Variants in TPTE2 observed in about 807,000 individuals in gnomAD.
The protein encoded by TPTE2 is transmembrane phosphoinositide 3-phosphatase and tensin homolog 2, also known as phosphatidylinositol 3,4,5-trisphosphate 3-phosphatase TPTE2.
A neutral mutation model predicts 78.6 loss-of-function variants in TPTE2; 53 were observed. The ratio of observed to expected loss-of-function variants is 0.67; its 90% confidence interval spans 0.54 to 0.85. TPTE2 has a LOEUF of 0.85. TPTE2 is among the 40% of genes least tolerant of loss of function. TPTE2 has a pLI of 0.00. For missense variants in TPTE2, 461 were observed against 623.0 expected (o/e 0.74, Z 2.77); for synonymous variants, 175 against 206.2 (o/e 0.85, Z 1.30).
At position 19,513,381 on chromosome 13, in the gene TPTE2, G is replaced by T. The variant is rs1869584537; in HGVS notation, c.-43-10104C>A. 7.2e-5 allele frequency among the ~76,000 whole-genome samples: 11 copies of T among 152,290 alleles called. No individual in the cohort carries two copies. The South Asian group carries it at 2.3e-3, about 32-fold the overall frequency. On this transcript the variant is annotated intron_variant, in intron 1 of 17. Coordinates refer to the TPTE2 transcript ENST00000390680. The stretch of plus-strand genomic sequence containing the variant: ...GAAAGAATTTTAGAATCAGTGTCCA[G>T]AAAACTATTTTCCCATGAATAATTC...
chr13:19,507,304 T>TAAAAAA (rs370011146), upstream of TPTE2, among the ~76,000 whole-genome samples: 21 of 112,164 alleles, frequency 1.9e-4, no homozygotes, highest in South Asian at 3.2e-3. Flanking sequence ...CTAGCTGTTC[T>TAAAAAA]AAAAAAAAAA....
intron 1 of TPTE2, among the ~76,000 whole-genome samples, chr13:19,497,128 G>C (rs910191305): frequency 1.1e-4 from 17 of 151,664 alleles, no homozygotes; most frequent in African/African-American, 4.1e-4. Context: ...ATTATATCCC[G>C]CACCTGTCTT....
intron 1 of TPTE2, among the ~76,000 whole-genome samples, chr13:19,497,217 T>G (rs905968496): frequency 6.7e-6 from 1 of 148,188 alleles, no homozygotes; most frequent in Non-Finnish European, 1.5e-5. Context: ...GCAGCGAGGC[T>G]GGGGGAGGGG....
At chr13:19,481,281 C>T (rs1194715912) in intron 4 of TPTE2, among the ~76,000 whole-genome samples, 1 of 152,150 alleles carries the variant, frequency 6.6e-6, no homozygotes, top group African/African-American at 2.4e-5. Context: ...ACAGAGTTTT[C>T]AAAGTATTTT....
chr13:19,491,785 A>T (rs1018490319), intron 3 of TPTE2, among the ~76,000 whole-genome samples: 1 of 152,204 alleles, frequency 6.6e-6, no homozygotes, highest in Non-Finnish European at 1.5e-5. Flanking sequence ...AGATCGCGCC[A>T]CTGCACTCCA....
At chr13:19,478,667 C>T (rs968117181) in intron 4 of TPTE2, among the ~76,000 whole-genome samples, 3 of 152,102 alleles carry the variant, frequency 2.0e-5, no homozygotes, top group South Asian at 4.1e-4. Flanking sequence ...TGGGTATATA[C>T]CCAAAGGATT....
At chr13:19,482,465 T>C (rs765860597) in intron 4 of TPTE2, 23 bp downstream of exon 7, 2 of 1,610,646 alleles carry the variant, frequency 1.2e-6, no homozygotes, top group Non-Finnish European at 1.7e-6. Context: ...GGCTCCCTCC[T>C]TTCAAACTTC....
the TPTE2 span, among the ~76,000 whole-genome samples, chr13:19,558,261 G>T: frequency 5.9e-5 from 9 of 152,036 alleles, no homozygotes; most frequent in South Asian, 1.2e-3. Context: ...GGTATTTTTT[G>T]ATTCATCTCC....
chr13:19,465,139 T>C (rs1353745790), intron 9 of TPTE2, 116 bp downstream of exon 12: 11 of 1,326,304 alleles, frequency 8.3e-6, no homozygotes, highest in Middle Eastern at 1.8e-4. Context: ...CACAGTGGCA[T>C]ATATTCTCAA....
At chr13:19,527,163 G>A (rs1386657068) in intron 1 of TPTE2, among the ~76,000 whole-genome samples, 1 of 152,168 alleles carries the variant, frequency 6.6e-6, no homozygotes, top group East Asian at 1.9e-4. Flanking sequence ...GATACCAGAG[G>A]CTGGGAAGTG....
chr13:19,494,038 G>A (rs551817245), intron 1 of TPTE2, among the ~76,000 whole-genome samples: 1 of 152,278 alleles, frequency 6.6e-6, no homozygotes, highest in Admixed American at 6.5e-5. Flanking sequence ...TAGCTCTGTT[G>A]CTTTCTGCTG....
At chr13:19,445,495 G>A (rs867710158) in intron 13 of TPTE2, among the ~76,000 whole-genome samples, 1 of 152,094 alleles carries the variant, frequency 6.6e-6, no homozygotes. Flanking sequence ...CAATACCAGT[G>A]GAGTAAAAAT....
Position 19,436,310 on chromosome 13 carries a change from C to T in TPTE2, c.1036-4G>A. On this transcript the variant is annotated splice_polypyrimidine_tract_variant and splice_region_variant and intron_variant, in intron 14 of 19. Transcript: ENST00000400230. ...CTCCAAAATAATATAGGCTTTCCTACAAAAAAGGGTACAATCCAACCATGG... is the reference window on the plus strand; with the variant it reads ...CTCCAAAATAATATAGGCTTTCCTATAAAAAAGGGTACAATCCAACCATGG... 2 of 1,609,782 alleles carry T rather than the reference C, an allele frequency of 1.2e-6. No homozygotes were observed. Among genetic ancestry groups the T allele is most frequent in the Non-Finnish European group, 1.7e-6 (2 of 1,178,262 alleles).
chr13:19,491,568 G>A (rs1294493378), intron 3 of TPTE2, among the ~76,000 whole-genome samples: 1 of 152,102 alleles, frequency 6.6e-6, no homozygotes, highest in East Asian at 1.9e-4. Context: ...GCTCATGACT[G>A]TAAACCCAGC....
chr13:19,495,846 T>G (rs1566064647), intron 1 of TPTE2, among the ~76,000 whole-genome samples: 1 of 151,650 alleles, frequency 6.6e-6, no homozygotes, highest in Non-Finnish European at 1.5e-5. Flanking sequence ...TTTTGTTTTG[T>G]TTTTTTTGTT....
At chr13:19,430,666 T>C in intron 16 of TPTE2, 119 bp from the exon 20 acceptor site, 2 of 661,736 alleles carry the variant, frequency 3.0e-6, no homozygotes, top group Non-Finnish European at 2.6e-6. Flanking sequence ...AACGTATCAA[T>C]AGTTACTTAT....
chr13:19,509,995 T>A (rs796222944), intron 1 of TPTE2, among the ~76,000 whole-genome samples: 9 of 152,234 alleles, frequency 5.9e-5, no homozygotes, highest in African/African-American at 2.2e-4. Context: ...ATTAAAACTA[T>A]GAGGATTAGA....
intron 1 of TPTE2, among the ~76,000 whole-genome samples, chr13:19,528,460 T>C (rs1041599421): frequency 1.3e-5 from 2 of 152,122 alleles, no homozygotes; most frequent in African/African-American, 4.8e-5. Flanking sequence ...ACTCTTAGGA[T>C]TTGCATAACA....
At chr13:19,529,391 T>C (rs1432481966) in intron 1 of TPTE2, among the ~76,000 whole-genome samples, 1 of 152,134 alleles carries the variant, frequency 6.6e-6, no homozygotes, top group Non-Finnish European at 1.5e-5. Flanking sequence ...CCTCCCAAAG[T>C]GCTGAGATTA....
Sources: gnomAD v4.1 joint callset for allele counts (sites outside exome capture counted in the v4.1 genomes callset) on GRCh38, gnomAD v4.1.1 for gene constraint, MANE v1.5 for transcripts, NCBI Gene and HGNC (gene_info 2026-07-23, HGNC 2026-07-21) for gene names.